Variants in VWF observed in about 807,000 individuals in gnomAD.
The protein encoded by VWF is von Willebrand factor.
A neutral mutation model predicts 308.6 loss-of-function variants in VWF; 176 were observed. The ratio of observed to expected loss-of-function variants is 0.57; its 90% CI spans 0.50 to 0.65. The LOEUF (loss-of-function observed/expected upper bound fraction) is 0.65, where lower values mean the gene tolerates loss of function less well. Among genes scored for constraint, VWF ranks in the 30% least tolerant of loss-of-function variants. VWF has a pLI of 0.00. For missense variants in VWF, 3,146 were observed against 3,648.2 expected, an observed-to-expected ratio of 0.86 and a Z score of 3.55; for synonymous variants, 1,385 against 1,443.4, an observed-to-expected ratio of 0.96 and a Z score of 0.92.
At chr12:6,056,752 A>T in intron 15 of VWF, 105 bp downstream of exon 15, 2 of 1,026,982 alleles carry the variant, frequency 1.9e-6, no homozygotes, top group Non-Finnish European at 2.6e-6. Flanking sequence ...ACAATGCCCT[A>T]CGCCCTCTTT....
Position 6,057,070 on chromosome 12 carries a change from T to A in VWF, c.1732A>T (p.Arg578Trp). The change falls in exon 15 of 52, where the codon AGG (arginine) becomes TGG (tryptophan). Residue 578 changes from arginine (R) to tryptophan (W), a missense_variant and splice_region_variant. By Grantham distance (101) the Arg-to-Trp change is moderately radical (BLOSUM62 -3). Coordinates refer to ENST00000261405, the MANE Select transcript of VWF (RefSeq NM_000552.5). ...ACCGCGCACGCCTCCTCGGAGAACC[T>A]GGCTGTGGGGCGAGAGGAGCGAGCC... ...DPCALNPRMT[R>W]FSEEACAVLT... 1 of 1,537,366 alleles carries A rather than the reference T, an allele frequency of 6.5e-7. No individual in the cohort carries two copies. Among genetic ancestry groups the A allele is most frequent in the Non-Finnish European group, 8.7e-7 (1 of 1,147,920 alleles).
At chr12:6,039,582 G>A (rs933732995) in intron 18 of VWF, among the ~76,000 whole-genome samples, 5 of 152,164 alleles carry the variant, frequency 3.3e-5, no homozygotes, top group Admixed American at 2.0e-4. Context: ...ATGAGGTTCC[G>A]CTTTTTTTAA....
At chr12:6,121,422 A>C (rs901077013) in intron 2 of VWF, 84 bp from the exon 3 acceptor site, 21 of 1,520,010 alleles carry the variant, frequency 1.4e-5, no homozygotes, top group Non-Finnish European at 1.8e-5. Context: ...CCTCGTAGAA[A>C]TTAGACTGCC....
intron 18 of VWF, among the ~76,000 whole-genome samples, chr12:6,043,560 C>T (rs1201637232): frequency 6.6e-6 from 1 of 152,144 alleles, no homozygotes. Context: ...AGGATGTATG[C>T]GTAATCTATT....
chr12:5,956,464 C>T (rs545478240), intron 47 of VWF, among the ~76,000 whole-genome samples: 181 of 152,074 alleles, frequency 1.2e-3, no homozygotes, highest in African/African-American at 4.3e-3. Flanking sequence ...GCCTAGACTA[C>T]TGTGCGTGCT....
chr12:6,051,286 C>CTTTTTT (rs55842185), intron 16 of VWF, among the ~76,000 whole-genome samples: 9 of 117,530 alleles, frequency 7.7e-5, no homozygotes, highest in African/African-American at 1.7e-4. Flanking sequence ...TTCTTTTTTT[C>CTTTTTT]TTTTTTTTTT....
intron 34 of VWF, among the ~76,000 whole-genome samples, chr12:5,997,865 T>C (rs1045465869): frequency 4.6e-5 from 7 of 152,182 alleles, no homozygotes; most frequent in African/African-American, 1.7e-4. Flanking sequence ...GTTCAGGACA[T>C]AGAGAAAGTT....
intron 44 of VWF, among the ~76,000 whole-genome samples, chr12:5,971,272 T>C (rs550089992): frequency 2.2e-4 from 33 of 152,368 alleles, no homozygotes; most frequent in Admixed American, 4.6e-4. Context: ...ACTTGCAGCC[T>C]GTGGCACTTT....
At chr12:6,095,929 C>A (rs1303983257) in intron 5 of VWF, 6 of 360,008 alleles carry the variant, frequency 1.7e-5, no homozygotes, top group Non-Finnish European at 2.7e-5. Context: ...CCATCAGCCT[C>A]CCCAGTAGCT....
rs551459804 is a variant in VWF, at chr12:6,020,367, A to G, written c.3675-624T>C. Among the ~76,000 whole-genome samples, 1 of 152,392 alleles carries G rather than the reference A, an allele frequency of 6.6e-6. No individual in the cohort carries two copies. The highest frequency in any genetic ancestry group is 2.4e-5 in the African/African-American group (1 of 41,598). Reference sequence around the variant, plus strand: ...AGAACAAATTATTTGGGAGTAGCAGACAGGGGTCTCCACGGTGTCAGGCCT... The same window carrying G: ...AGAACAAATTATTTGGGAGTAGCAGGCAGGGGTCTCCACGGTGTCAGGCCT... On this transcript the variant is annotated intron_variant, in intron 27 of 51. Coordinates refer to ENST00000261405, the MANE Select transcript of VWF (RefSeq NM_000552.5). This position sits in a 1 kb window ranked among gnomAD's most constrained non-coding sequence, Gnocchi z 4.3.
In VWF at chr12:6,018,639, G is replaced by T; in HGVS notation, c.4779C>A (p.Ser1593Arg). Residue 1593 changes from serine (S) to arginine (R), a missense_variant, in exon 28 of 52, where the codon AGC becomes AGA. Ser to Arg is a moderately radical substitution (Grantham distance 110). Coordinates refer to ENST00000261405, the MANE Select transcript of VWF (RefSeq NM_000552.5). The part of the protein sequence containing the change: ...RYLSDHSFLV[S>R]QGDREQAPNL... ...TGGGCGCCTGCTCCCGGTCACCCTG[G>T]CTGACCAAGAAGCTGTGGTCAGAGA... 1 of 1,613,994 alleles carries T rather than the reference G, an allele frequency of 6.2e-7. No individual in the cohort carries two copies. Among genetic ancestry groups the T allele is most frequent in the Non-Finnish European group, 8.5e-7 (1 of 1,179,952 alleles).
At chr12:6,057,309 G>T (rs1944591304) in intron 14 of VWF, among the ~76,000 whole-genome samples, 1 of 127,642 alleles carries the variant, frequency 7.8e-6, no homozygotes, top group Non-Finnish European at 1.6e-5. Flanking sequence ...GGGGACTATG[G>T]AATTTTTTTT....
chr12:5,996,292 C>A, intron 34 of VWF, 70 bp from the exon 35 acceptor site: 1 of 1,424,330 alleles, frequency 7.0e-7, no homozygotes, highest in Non-Finnish European at 9.7e-7. Flanking sequence ...TGCAGACAGG[C>A]AGGTGTGACC....
At chr12:6,101,319 A>C (rs59989335) in intron 5 of VWF, among the ~76,000 whole-genome samples, 13,879 of 152,158 alleles carry the variant, frequency 0.091, 1,260 homozygotes, top group African/African-American at 0.24. Context: ...CCAATGTGAT[A>C]TCAGTGAATG....
chr12:6,033,098 T>C (rs1944291511), intron 20 of VWF, among the ~76,000 whole-genome samples: 1 of 152,192 alleles, frequency 6.6e-6, no homozygotes, highest in African/African-American at 2.4e-5. Context: ...CAATCTGACC[T>C]CTAAGATTCC....
chr12:6,073,861 C>G (rs906726236), intron 7 of VWF, 120 bp from the exon 8 acceptor site: 2 of 1,475,940 alleles, frequency 1.4e-6, no homozygotes, highest in Non-Finnish European at 1.8e-6. Context: ...TGTCTTCAGG[C>G]TTCCAGGTCC....
At chr12:6,097,445 G>GACAAA (rs532257459) in intron 5 of VWF, among the ~76,000 whole-genome samples, 33 of 151,892 alleles carry the variant, frequency 2.2e-4, no homozygotes, top group East Asian at 5.8e-4. Flanking sequence ...CAAAACAAAA[G>GACAAA]ACAAAACAAA....
chr12:5,992,232 G>A (rs1943753445), intron 37 of VWF, among the ~76,000 whole-genome samples: 2 of 152,200 alleles, frequency 1.3e-5, no homozygotes, highest in Non-Finnish European at 2.9e-5. Flanking sequence ...AACCTTTCTT[G>A]CAGCTAAGTG....
chr12:6,021,319 G>A (rs1944126625), intron 27 of VWF: 1 of 155,686 alleles, frequency 6.4e-6, no homozygotes, highest in South Asian at 1.9e-4. Flanking sequence ...GGACTTCAGA[G>A]GGCTCAGAGC....
Sources: gnomAD v4.1 joint callset for allele counts (sites outside exome capture counted in the v4.1 genomes callset) on GRCh38, gnomAD v4.1.1 for gene constraint, Gnocchi (gnomAD v3.1) non-coding constraint, MANE v1.5 for transcripts, NCBI Gene and HGNC (gene_info 2026-07-23, HGNC 2026-07-21) for gene names.